Variants in WWOX observed in about 807,000 individuals in gnomAD.
The protein encoded by WWOX is WW domain containing oxidoreductase, also known as WW domain-containing oxidoreductase.
A neutral mutation model predicts 46.2 loss-of-function variants in WWOX; 69 were observed. The ratio of observed to expected loss-of-function variants is 1.49; its 90% CI spans 1.23 to 1.82. The LOEUF is 1.82. Ranked by LOEUF, WWOX falls within the 40% of genes most tolerant of loss-of-function variation. The pLI is 0.00. For missense variants in WWOX, 919 were observed against 542.6 expected, an observed-to-expected ratio of 1.69 and a Z score of -6.89; for synonymous variants, 359 against 202.6, an observed-to-expected ratio of 1.77 and a Z score of -6.56.
intron 8 of WWOX, among the ~76,000 whole-genome samples, chr16:79,099,176 G>T (rs1258469231): frequency 6.6e-6 from 1 of 152,150 alleles, no homozygotes; most frequent in African/African-American, 2.4e-5. Context: ...CATGAGGATG[G>T]CATGAAGCCC....
At chr16:78,133,709 A>C (rs574671091) in intron 4 of WWOX, among the ~76,000 whole-genome samples, 2 of 152,196 alleles carry the variant, frequency 1.3e-5, no homozygotes, top group Admixed American at 6.5e-5. Context: ...AATAATTTCA[A>C]ATTAACCCCT....
At chr16:78,862,772 C>T (rs2043919004) in intron 8 of WWOX, among the ~76,000 whole-genome samples, 1 of 152,130 alleles carries the variant, frequency 6.6e-6, no homozygotes, top group Admixed American at 6.6e-5. Context: ...AGGCCTTCAA[C>T]AGATTGTATG....
intron 8 of WWOX, among the ~76,000 whole-genome samples, chr16:79,184,699 C>G (rs887578316): frequency 4.6e-5 from 7 of 152,164 alleles, no homozygotes; most frequent in African/African-American, 1.7e-4. Flanking sequence ...TGAGAATTTT[C>G]CACCTTTCCC....
chr16:79,082,775 G>A (rs1318818574), intron 8 of WWOX, among the ~76,000 whole-genome samples: 1 of 152,152 alleles, frequency 6.6e-6, no homozygotes, highest in African/African-American at 2.4e-5. Flanking sequence ...GGGAAGATGG[G>A]AGGGAGGTGA....
At position 78,676,912 on chromosome 16, in the gene WWOX, A is replaced by C. The variant is rs186800223; in HGVS notation, c.1056+244160A>C. 2.2e-3 allele frequency among the ~76,000 whole-genome samples: 338 copies of C among 152,322 alleles called. 5 individuals are homozygous for C. Among genetic ancestry groups the C allele is most frequent in the Non-Finnish European group, 6.3e-4 (43 of 68,040 alleles). ...ATACATTATTGATAAGTTAATTTAGAAGTATCAAGTGAAAGGGGAAGAAAA... is the reference window on the plus strand; with the variant it reads ...ATACATTATTGATAAGTTAATTTAGCAGTATCAAGTGAAAGGGGAAGAAAA... On this transcript the variant is annotated intron_variant, in intron 8 of 8. Transcript: ENST00000566780.
In WWOX at chr16:78,636,539, C is replaced by T. The variant is rs947268157; in HGVS notation, c.1056+203787C>T. ...CCTAATAGAAAATAGAGTAGCTGCC[C>T]TCCCCATCCGCCATTCTCAGTCCTT... On this transcript the variant is annotated intron_variant, in intron 8 of 8. Transcript: ENST00000566780. Among the ~76,000 whole-genome samples the T allele has an allele frequency of 2.6e-5, 4 of 152,218 alleles. No homozygotes were observed. The East Asian group carries it at 5.8e-4, about 22-fold the overall frequency.
Position 78,542,367 on chromosome 16 carries a change from GGAGA to G in WWOX, c.1056+109621_1056+109624del, listed in dbSNP as rs377521492. Among the ~76,000 whole-genome samples the G allele has an allele frequency of 2.3e-4, 35 of 152,264 alleles. No individual in the cohort carries two copies. In the East Asian group the frequency reaches 6.4e-3, roughly 28 times the overall value. On this transcript the variant is annotated intron_variant, in intron 8 of 8. Coordinates refer to ENST00000566780, the MANE Select transcript of WWOX (RefSeq NM_016373.4). ...AACATCATGTAGAATCTGAAAATTA[GGAGA>G]GAGAGGCAATCAGAAGAAGACAGAG...
chr16:79,087,958 A>G (rs2048883965), intron 8 of WWOX, among the ~76,000 whole-genome samples: 1 of 152,130 alleles, frequency 6.6e-6, no homozygotes, highest in Non-Finnish European at 1.5e-5. Flanking sequence ...CTGTAGTCCA[A>G]GGCTCCACTA....
chr16:79,100,494 G>C (rs1395406606), intron 8 of WWOX, among the ~76,000 whole-genome samples: 2 of 152,182 alleles, frequency 1.3e-5, no homozygotes, highest in Non-Finnish European at 2.9e-5. Context: ...TGTTGGCTTT[G>C]ACCAATGAAG....
intron 8 of WWOX, among the ~76,000 whole-genome samples, chr16:78,786,205 T>C (rs1029601688): frequency 1.3e-5 from 2 of 152,174 alleles, no homozygotes; most frequent in African/African-American, 4.8e-5. Context: ...CCACCGCGCC[T>C]GGCCTGAATT....
At chr16:78,730,016 C>T (rs1041883613) in intron 8 of WWOX, among the ~76,000 whole-genome samples, 7 of 152,164 alleles carry the variant, frequency 4.6e-5, no homozygotes, top group Non-Finnish European at 7.4e-5. Context: ...GTGTTACTTC[C>T]AGTTGTTTCT....
intron 4 of WWOX, among the ~76,000 whole-genome samples, chr16:78,148,782 C>T (rs1017540451): frequency 6.6e-6 from 1 of 151,396 alleles, no homozygotes; most frequent in African/African-American, 2.4e-5. Flanking sequence ...CCTGTAGTCC[C>T]AGCTACTCGG....
intron 5 of WWOX, among the ~76,000 whole-genome samples, chr16:78,257,670 G>A (rs1311948968): frequency 6.9e-6 from 1 of 144,748 alleles, no homozygotes; most frequent in Non-Finnish European, 1.5e-5. Context: ...CATTCCTTCT[G>A]CATTGGGAGG....
intron 6 of WWOX, among the ~76,000 whole-genome samples, chr16:78,399,686 T>C (rs890887667): frequency 9.2e-5 from 14 of 152,140 alleles, no homozygotes; most frequent in African/African-American, 3.1e-4. Context: ...AGGGTTTGAG[T>C]TTCTGTGGTT....
intron 8 of WWOX, among the ~76,000 whole-genome samples, chr16:78,972,481 A>G (rs1324084293): frequency 7.9e-5 from 12 of 152,002 alleles, no homozygotes; most frequent in Non-Finnish European, 1.5e-4. Context: ...AAAAAAAAAA[A>G]AAATAAAAGA....
At chr16:78,332,806 T>A (rs368953511) in intron 5 of WWOX, among the ~76,000 whole-genome samples, 16 of 152,242 alleles carry the variant, frequency 1.1e-4, no homozygotes, top group Middle Eastern at 3.4e-3. Context: ...ACAGGAAATA[T>A]TAGCCCCATT....
intron 8 of WWOX, among the ~76,000 whole-genome samples, chr16:79,134,763 G>C (rs1047148998): frequency 6.6e-6 from 1 of 152,184 alleles, no homozygotes; most frequent in African/African-American, 2.4e-5. Context: ...TACTTAGCCA[G>C]GGGATTTAGA....
rs114811640 is a variant in WWOX at position 78,233,112 on chromosome 16, A to C, written c.516+68823A>C. The stretch of plus-strand genomic sequence containing the variant: ...GAAATACCCATTATTTTGGCTGAAG[A>C]TGATCACTTTAGCTGAAACCAGTTC... On this transcript the variant is annotated intron_variant, in intron 5 of 8. Coordinates refer to ENST00000566780, the MANE Select transcript of WWOX (RefSeq NM_016373.4). Among the ~76,000 whole-genome samples the C allele has an allele frequency of 5.7e-3, 868 of 152,338 alleles. 7 individuals carry two copies. The highest frequency in any genetic ancestry group is 0.02 in the African/African-American group (829 of 41,578).
intron 8 of WWOX, among the ~76,000 whole-genome samples, chr16:78,547,148 A>AAC (rs1567635735): frequency 2.2e-5 from 2 of 90,388 alleles, no homozygotes; most frequent in African/African-American, 5.9e-5. Context: ...AAAAAAAAAA[A>AAC]AAAAAAAAAA....
Sources: allele counts gnomAD v4.1 joint callset (sites outside exome capture counted in the v4.1 genomes callset), GRCh38; gene constraint gnomAD v4.1.1; transcripts MANE v1.5; gene names NCBI Gene and HGNC (gene_info 2026-07-23, HGNC 2026-07-21).